USH2A: variants seen among roughly 807,000 people sequenced by gnomAD.
USH2A encodes Usher syndrome 2A (autosomal recessive, mild).
Under a neutral mutation model 538.9 loss-of-function variants are expected in USH2A, and 443 were observed. The ratio of observed to expected loss-of-function variants is 0.82; its 90% confidence interval spans 0.76 to 0.89. USH2A has a LOEUF of 0.89. Among genes scored for constraint, USH2A ranks in the 40% least tolerant of loss-of-function variants. The pLI is 0.00. For missense variants in USH2A, 6,633 were observed against 6,324.8 expected (o/e 1.05, Z -1.65); for synonymous variants, 2,413 against 2,273.5 (o/e 1.06, Z -1.75).
intron 11 of USH2A, among the ~76,000 whole-genome samples, chr1:216,268,116 C>T (rs2036509957): frequency 6.6e-6 from 1 of 151,974 alleles, no homozygotes; most frequent in Non-Finnish European, 1.5e-5. Context: ...GTGACTTAGC[C>T]TGAATTAAAA....
At chr1:216,218,462 G>A (rs1001349398) in intron 14 of USH2A, among the ~76,000 whole-genome samples, 3 of 152,208 alleles carry the variant, frequency 2.0e-5, no homozygotes, top group African/African-American at 4.8e-5. Flanking sequence ...CTTGTGGTAC[G>A]TTTAAAACAA....
At chr1:216,279,183 A>C (rs1357696064) in intron 11 of USH2A, among the ~76,000 whole-genome samples, 1 of 152,048 alleles carries the variant, frequency 6.6e-6, no homozygotes, top group Non-Finnish European at 1.5e-5. Context: ...CTTTTTATAT[A>C]ATTACAACTA....
chr1:215,865,053 A>G (rs1664434240), intron 44 of USH2A, among the ~76,000 whole-genome samples: 1 of 152,148 alleles, frequency 6.6e-6, no homozygotes, highest in Non-Finnish European at 1.5e-5. Flanking sequence ...GTTGCCTTTG[A>G]GCATATTAGA....
chr1:216,062,980 A>C (rs1238814940), intron 30 of USH2A, among the ~76,000 whole-genome samples: 1 of 152,234 alleles, frequency 6.6e-6, no homozygotes, highest in Non-Finnish European at 1.5e-5. Context: ...GCTAACTAAT[A>C]AAGCGAAATT....
intron 32 of USH2A, among the ~76,000 whole-genome samples, chr1:216,017,065 G>T (rs1668729191): frequency 6.6e-6 from 1 of 152,016 alleles, no homozygotes; most frequent in Non-Finnish European, 1.5e-5. Flanking sequence ...TACCCCATTT[G>T]TAATAATTAT....
intron 3 of USH2A, among the ~76,000 whole-genome samples, chr1:216,415,531 T>A (rs2039563425): frequency 1.1e-5 from 1 of 87,518 alleles, no homozygotes; most frequent in African/African-American, 4.4e-5. Flanking sequence ...TTTTTTTTTT[T>A]TTCAGACAGG....
intron 32 of USH2A, 85 bp from the exon 33 acceptor site, chr1:216,000,647 A>T: frequency 2.6e-6 from 4 of 1,528,194 alleles, no homozygotes; most frequent in Non-Finnish European, 3.6e-6. Context: ...GTCCTATCTC[A>T]GAGAATTGTT....
At chr1:216,265,100 C>G (rs913625823) in intron 11 of USH2A, among the ~76,000 whole-genome samples, 7 of 152,006 alleles carry the variant, frequency 4.6e-5, no homozygotes, top group African/African-American at 1.7e-4. Flanking sequence ...AAAATACTTG[C>G]AAGGTATTCA....
At chr1:215,679,656 T>C (rs1356038107) in intron 62 of USH2A, among the ~76,000 whole-genome samples, 1 of 152,242 alleles carries the variant, frequency 6.6e-6, no homozygotes, top group Non-Finnish European at 1.5e-5. Context: ...CACGGCTACA[T>C]ACAGAAGTTG....
At chr1:215,650,300 A>G (rs1297060970) in intron 65 of USH2A, among the ~76,000 whole-genome samples, 1 of 152,226 alleles carries the variant, frequency 6.6e-6, no homozygotes, top group Non-Finnish European at 1.5e-5. Context: ...ATTAAATTAA[A>G]TTAAATTAAA....
At chr1:215,799,178 G>A (rs1439486036) in intron 49 of USH2A, 53 bp from the exon 50 acceptor site, 2 of 1,516,938 alleles carry the variant, frequency 1.3e-6, no homozygotes, top group Admixed American at 1.9e-5. Context: ...AATATGCTAT[G>A]ACTAACAATT....
At chr1:216,250,228 G>A (rs186112867) in intron 12 of USH2A, among the ~76,000 whole-genome samples, 97 of 151,994 alleles carry the variant, frequency 6.4e-4, no homozygotes, top group African/African-American at 2.3e-3. Context: ...TCTAATTTCC[G>A]AAAAATACCT....
At chr1:215,898,340 C>T (rs866709171) in intron 40 of USH2A, among the ~76,000 whole-genome samples, 16 of 152,146 alleles carry the variant, frequency 1.1e-4, no homozygotes, top group Admixed American at 4.6e-4. Context: ...AAAATTCTAA[C>T]GATGTGTATG....
intron 32 of USH2A, among the ~76,000 whole-genome samples, chr1:216,010,039 A>T (rs1303082805): frequency 2.6e-5 from 4 of 152,132 alleles, no homozygotes; most frequent in Non-Finnish European, 5.9e-5. Flanking sequence ...TATACATTTT[A>T]TTACCCAATC....
At chr1:216,362,966 T>C (rs2038523756) in intron 4 of USH2A, among the ~76,000 whole-genome samples, 1 of 150,782 alleles carries the variant, frequency 6.6e-6, no homozygotes, top group African/African-American at 2.4e-5. Flanking sequence ...AAAATAATAA[T>C]ATTATTATTA....
At chr1:216,182,349 T>C (rs1288599256) in intron 20 of USH2A, among the ~76,000 whole-genome samples, 1 of 152,064 alleles carries the variant, frequency 6.6e-6, no homozygotes, top group African/African-American at 2.4e-5. Flanking sequence ...ATAGGATACA[T>C]AGTATATTAT....
chr1:215,826,368 A>G (rs1163877038), intron 47 of USH2A, among the ~76,000 whole-genome samples: 1 of 152,218 alleles, frequency 6.6e-6, no homozygotes, highest in Non-Finnish European at 1.5e-5. Flanking sequence ...AAAACATACA[A>G]TTGCCCAAGA....
chr1:216,258,294 T>C (rs1354544925), intron 11 of USH2A, among the ~76,000 whole-genome samples: 2 of 152,118 alleles, frequency 1.3e-5, no homozygotes, highest in African/African-American at 4.8e-5. Flanking sequence ...GCTAGACCCT[T>C]TTGTGTACTC....
intron 38 of USH2A, among the ~76,000 whole-genome samples, chr1:215,912,503 A>ATATATG (rs1553275522): frequency 4.7e-4 from 11 of 23,500 alleles, no homozygotes; most frequent in African/African-American, 1.4e-3. Flanking sequence ...GTATATATAT[A>ATATATG]TATATATACG....
Sources: allele counts gnomAD v4.1 joint callset (sites outside exome capture counted in the v4.1 genomes callset), GRCh38; gene constraint gnomAD v4.1.1; transcripts MANE v1.5; gene names NCBI Gene and HGNC (gene_info 2026-07-23, HGNC 2026-07-21).